MDGA2: variants seen among roughly 807,000 people sequenced by gnomAD.
MDGA2 encodes the protein MAM domain containing glycosylphosphatidylinositol anchor 2.
Under a neutral mutation model 117.8 loss-of-function variants are expected in MDGA2, and 40 were observed. That is an observed-to-expected ratio of 0.34 (90% CI 0.26 to 0.44). MDGA2 has a LOEUF of 0.44. Ranked by LOEUF, MDGA2 falls within the 20% of genes least tolerant of loss-of-function variation. The pLI is 1.00. For missense variants in MDGA2, 1,123 were observed against 1,250.6 expected (o/e 0.90, Z 1.54); for synonymous variants, 452 against 439.0 (o/e 1.03, Z -0.37).
intron 1 of MDGA2, among the ~76,000 whole-genome samples, chr14:47,321,855 T>C (rs1299914287): frequency 1.3e-5 from 2 of 152,180 alleles, no homozygotes; most frequent in African/African-American, 4.8e-5. Flanking sequence ...AACTACTAAT[T>C]GGTAACATTC....
Position 47,540,540 on chromosome 14 carries a change from G to GTGTGTATA in MDGA2, c.280+133976_280+133977insTATACACA. ...TGTATATGTGTGTGTGTGTGTGTGTGTATATATATATATGTATATATATAC... is the reference window on the plus strand; with the variant it reads ...TGTATATGTGTGTGTGTGTGTGTGTGTGTGTATATATATATATATATGTATATATATAC... On this transcript the variant is annotated intron_variant, in intron 1 of 16. Coordinates refer to ENST00000399232, the MANE Select transcript of MDGA2 (RefSeq NM_001113498.3). Among the ~76,000 whole-genome samples, 217 of 79,210 alleles carry GTGTGTATA rather than the reference G, an allele frequency of 2.7e-3. 6 individuals are homozygous for GTGTGTATA. In the East Asian group the frequency reaches 0.035, roughly 13 times the overall value. 52.0% of individuals were successfully genotyped at this position (79,210 alleles called of 152,430 possible).
At chr14:47,016,382 A>C (rs1379856071) in intron 8 of MDGA2, among the ~76,000 whole-genome samples, 1 of 152,090 alleles carries the variant, frequency 6.6e-6, no homozygotes, top group African/African-American at 2.4e-5. Context: ...TACATCCTTA[A>C]GTCTGCTAGG....
intron 1 of MDGA2, among the ~76,000 whole-genome samples, chr14:47,514,092 G>A (rs941573447): frequency 3.2e-4 from 48 of 152,228 alleles, no homozygotes; most frequent in African/African-American, 1.1e-3. Context: ...AGGAGTTTTG[G>A]TTTTAACAAG....
rs571675980 is a variant in MDGA2 at position 47,649,714 on chromosome 14, AAAAC to A, written c.280+24799_280+24802del. On this transcript the variant is annotated intron_variant, in intron 1 of 16. Transcript: ENST00000399232. The stretch of plus-strand genomic sequence containing the variant: ...ACAAAACAAAACAAAACAAAACAAA[AAAAC>A]CCCACAAATATATAGAGCATAATAA... Among the ~76,000 whole-genome samples, 20 of 144,994 alleles carry A rather than the reference AAAAC, an allele frequency of 1.4e-4. 1 individual carries two copies. In the South Asian group the frequency reaches 1.6e-3, roughly 11 times the overall value.
intron 8 of MDGA2, among the ~76,000 whole-genome samples, chr14:47,012,521 G>T (rs2138540060): frequency 6.6e-6 from 1 of 152,204 alleles, no homozygotes; most frequent in Non-Finnish European, 1.5e-5. Context: ...TAACATAGAA[G>T]GCTTAAATAA....
intron 1 of MDGA2, among the ~76,000 whole-genome samples, chr14:47,396,035 T>C (rs1892000855): frequency 6.6e-6 from 1 of 152,176 alleles, no homozygotes; most frequent in Non-Finnish European, 1.5e-5. Flanking sequence ...AGTGTTGGAA[T>C]GGGTAAAATT....
At chr14:47,450,781 G>A (rs1203618519) in intron 1 of MDGA2, among the ~76,000 whole-genome samples, 1 of 152,060 alleles carries the variant, frequency 6.6e-6, no homozygotes, top group Admixed American at 6.6e-5. Flanking sequence ...GCAAAAAATG[G>A]TGAGTAGTTT....
At chr14:47,473,795 A>G (rs141854437) in intron 1 of MDGA2, among the ~76,000 whole-genome samples, 1 of 152,296 alleles carries the variant, frequency 6.6e-6, no homozygotes, top group East Asian at 1.9e-4. Context: ...AAAACTCTCA[A>G]TAAACTAGAT....
At chr14:47,192,670 T>C (rs1461962314) in intron 3 of MDGA2, among the ~76,000 whole-genome samples, 5 of 151,788 alleles carry the variant, frequency 3.3e-5, no homozygotes, top group Non-Finnish European at 7.4e-5. Flanking sequence ...TATGGAAAAA[T>C]AGTACATCTT....
intron 14 of MDGA2, among the ~76,000 whole-genome samples, chr14:46,856,789 T>G (rs1359524335): frequency 6.6e-6 from 1 of 152,074 alleles, no homozygotes; most frequent in Non-Finnish European, 1.5e-5. Flanking sequence ...TTTTCAGGAT[T>G]TATAAAAAAA....
At chr14:47,665,206 C>G (rs1167085168) in intron 1 of MDGA2, among the ~76,000 whole-genome samples, 1 of 152,128 alleles carries the variant, frequency 6.6e-6, no homozygotes, top group Non-Finnish European at 1.5e-5. Context: ...CTGTTCCGAG[C>G]TTTTTCAAGT....
intron 1 of MDGA2, among the ~76,000 whole-genome samples, chr14:47,624,144 C>T (rs1897098747): frequency 6.6e-6 from 1 of 152,164 alleles, no homozygotes. Context: ...GTTGAAGGTC[C>T]TCGTTCCTTT....
intron 5 of MDGA2, among the ~76,000 whole-genome samples, chr14:47,121,480 A>G (rs962207752): frequency 5.9e-5 from 9 of 152,014 alleles, no homozygotes; most frequent in Admixed American, 3.3e-4. Flanking sequence ...ATTTAATATT[A>G]CTTCTGAATA....
chr14:47,589,109 A>G (rs910804884), intron 1 of MDGA2, among the ~76,000 whole-genome samples: 33 of 151,918 alleles, frequency 2.2e-4, no homozygotes, highest in African/African-American at 7.0e-4. Context: ...AATCACATCC[A>G]CAAAGTCCCT....
intron 7 of MDGA2, among the ~76,000 whole-genome samples, chr14:47,055,036 T>A: frequency 6.8e-6 from 1 of 146,848 alleles, no homozygotes; most frequent in South Asian, 2.2e-4. Flanking sequence ...GATCTCACTC[T>A]GTCACCCAGG....
intron 3 of MDGA2, among the ~76,000 whole-genome samples, chr14:47,200,255 A>T (rs1885443338): frequency 6.6e-6 from 1 of 152,018 alleles, no homozygotes; most frequent in East Asian, 1.9e-4. Flanking sequence ...TCACCACCAT[A>T]TATGGCATTT....
chr14:47,247,256 G>A lies in MDGA2; in HGVS notation c.421-29061C>T, dbSNP rs552305287. Among the ~76,000 whole-genome samples the A allele has an allele frequency of 2.2e-4, 33 of 151,306 alleles. No individual in the cohort carries two copies. In the South Asian group the frequency reaches 6.5e-3, roughly 30 times the overall value. ...TGGAACTCCTCCGGGTGTGGAGACAGAAATAAAATAAATAGGTGTGTATAT... is the reference window on the plus strand; with the variant it reads ...TGGAACTCCTCCGGGTGTGGAGACAAAAATAAAATAAATAGGTGTGTATAT... On this transcript the variant is annotated intron_variant, in intron 2 of 16. Coordinates refer to ENST00000399232, the MANE Select transcript of MDGA2 (RefSeq NM_001113498.3).
At chr14:47,144,341 A>T in intron 3 of MDGA2, 67 bp from the exon 4 acceptor site, 1 of 1,228,680 alleles carries the variant, frequency 8.1e-7, no homozygotes, top group Non-Finnish European at 1.1e-6. Context: ...TATTGTGCTT[A>T]TATAACCCAA....
chr14:47,670,252 C>T (rs1462130279), intron 1 of MDGA2, among the ~76,000 whole-genome samples: 2 of 152,060 alleles, frequency 1.3e-5, no homozygotes, highest in Non-Finnish European at 1.5e-5. Context: ...TTCAGGACAC[C>T]AAATCACCGT....
Sources: gnomAD v4.1 joint callset for allele counts (sites outside exome capture counted in the v4.1 genomes callset) on GRCh38, gnomAD v4.1.1 for gene constraint, MANE v1.5 for transcripts, NCBI Gene and HGNC (gene_info 2026-07-23, HGNC 2026-07-21) for gene names.